ADGRL3: variants seen among roughly 807,000 people sequenced by gnomAD.
The protein encoded by ADGRL3 is calcium-independent alpha-latrotoxin receptor 3.
Under a neutral mutation model 153.5 loss-of-function variants are expected in ADGRL3, and 62 were observed. The ratio of observed to expected loss-of-function variants is 0.40; its 90% CI spans 0.33 to 0.50. ADGRL3 has a LOEUF of 0.50. ADGRL3 is among the 20% of genes least tolerant of loss of function. The pLI, the probability that ADGRL3 is intolerant of heterozygous loss-of-function variation, is 0.47. For synonymous variants in ADGRL3, 710 were observed against 672.5 expected (o/e 1.06, Z -0.86); for missense variants, 1,641 against 1,859.4 (o/e 0.88, Z 2.16).
At chr4:61,566,820 T>G (rs1444989200) in intron 4 of ADGRL3, among the ~76,000 whole-genome samples, 4 of 152,186 alleles carry the variant, frequency 2.6e-5, no homozygotes, top group African/African-American at 7.2e-5. Flanking sequence ...TCCTTTTGAC[T>G]GTTATTATTA....
In ADGRL3 at chr4:62,070,687, A is replaced by G; in HGVS notation, c.4411A>G (p.Ser1471Gly). ...GVAATESVTT[S>G]TQTEPPPAKC... ...GGCCGCCACAGAGAGTGTTACCACCAGCACCCAGACCGAACCCCCACCGGC... is the reference window on the plus strand; with the variant it reads ...GGCCGCCACAGAGAGTGTTACCACCGGCACCCAGACCGAACCCCCACCGGC... Residue 1471 changes from serine (S) to glycine (G), a missense_variant, in exon 27 of 27, where the codon AGC becomes GGC. By Grantham distance (56) the Ser-to-Gly change is moderately conservative. Around this residue, in one of 5 missense-constraint regions of ADGRL3, gnomAD observed 517 missense variants for 555.0 expected, o/e 0.93. Coordinates refer to ENST00000683033, the MANE Select transcript of ADGRL3 (RefSeq NM_001387552.1). 6.4e-7 allele frequency: 1 copy of G among 1,551,562 alleles called. No homozygotes were observed. Among genetic ancestry groups the G allele is most frequent in the Non-Finnish European group, 8.7e-7 (1 of 1,146,962 alleles).
At chr4:61,406,849 A>G (rs572798876) in intron 2 of ADGRL3, among the ~76,000 whole-genome samples, 4 of 152,120 alleles carry the variant, frequency 2.6e-5, no homozygotes, top group African/African-American at 9.6e-5. Context: ...TATCTCCTAT[A>G]ATGGCTAAAT....
chr4:62,049,229 C>A (rs1051698942), intron 25 of ADGRL3, among the ~76,000 whole-genome samples: 15 of 152,070 alleles, frequency 9.9e-5, no homozygotes, highest in African/African-American at 3.6e-4. Flanking sequence ...CCCACCCCAG[C>A]CCTGAAGTTA....
At chr4:61,527,214 G>T (rs1325572964) in intron 4 of ADGRL3, among the ~76,000 whole-genome samples, 2 of 151,814 alleles carry the variant, frequency 1.3e-5, no homozygotes, top group Non-Finnish European at 2.9e-5. Context: ...ACATCTGAAA[G>T]AAAAAATATA....
intron 4 of ADGRL3, among the ~76,000 whole-genome samples, chr4:61,525,770 G>C (rs1382920054): frequency 6.6e-6 from 1 of 152,078 alleles, no homozygotes; most frequent in Non-Finnish European, 1.5e-5. Context: ...AAGATGCTGA[G>C]GTGACTGGGT....
intron 2 of ADGRL3, among the ~76,000 whole-genome samples, chr4:61,383,548 A>G (rs1483018677): frequency 6.6e-6 from 1 of 151,804 alleles, no homozygotes; most frequent in East Asian, 1.9e-4. Flanking sequence ...TAACTAATGT[A>G]GAATAACCAT....
chr4:61,746,370 A>C (rs1392227400), intron 8 of ADGRL3, among the ~76,000 whole-genome samples: 2 of 152,162 alleles, frequency 1.3e-5, no homozygotes, highest in Non-Finnish European at 2.9e-5. Flanking sequence ...ATACCCATCT[A>C]CAGAACTCTC....
intron 13 of ADGRL3, among the ~76,000 whole-genome samples, chr4:61,932,589 G>A (rs2098821937): frequency 6.6e-6 from 1 of 151,990 alleles, no homozygotes; most frequent in Admixed American, 6.6e-5. Flanking sequence ...GCATTTTGTT[G>A]AGAATTTTTG....
At chr4:61,748,898 GA>G (rs2096712032) in intron 8 of ADGRL3, among the ~76,000 whole-genome samples, 1 of 151,106 alleles carries the variant, frequency 6.6e-6, no homozygotes, top group African/African-American at 2.4e-5. Flanking sequence ...CACAGCAAAA[GA>G]AACTACCATC....
At chr4:61,743,435 C>G (rs765456089) in intron 8 of ADGRL3, among the ~76,000 whole-genome samples, 13 of 151,318 alleles carry the variant, frequency 8.6e-5, no homozygotes, top group South Asian at 4.2e-4. Flanking sequence ...TGAAAATTAT[C>G]TCTAATGCTA....
intron 21 of ADGRL3, among the ~76,000 whole-genome samples, chr4:62,017,049 T>G (rs2099215343): frequency 6.6e-6 from 1 of 152,078 alleles, no homozygotes; most frequent in Admixed American, 6.6e-5. Context: ...ATCTGACAAA[T>G]GTATTGAACA....
intron 6 of ADGRL3, among the ~76,000 whole-genome samples, chr4:61,690,688 T>G (rs2095524489): frequency 1.3e-5 from 2 of 152,158 alleles, no homozygotes. Context: ...TATTTATTTC[T>G]ACAAGGCTTC....
intron 9 of ADGRL3, among the ~76,000 whole-genome samples, chr4:61,838,169 T>G (rs572719499): frequency 6.6e-6 from 1 of 152,170 alleles, no homozygotes; most frequent in Non-Finnish European, 1.5e-5. Context: ...TTAGTAGTAA[T>G]TATACTTGCT....
Position 61,539,702 on chromosome 4 carries a change from T to C in ADGRL3, c.259+22184T>C, listed in dbSNP as rs781626845. Among the ~76,000 whole-genome samples, 83 of 152,220 alleles carry C rather than the reference T, an allele frequency of 5.5e-4. 2 individuals carry two copies. The highest frequency in any genetic ancestry group is 2.6e-4 in the African/African-American group (11 of 41,540). ...ACTTGGTGCTCTGTCTCTGGGAAGT[T>C]CACAGATCACCACTGACAGTGTTGC... On this transcript the variant is annotated intron_variant, in intron 4 of 26. Transcript: ENST00000683033.
chr4:61,542,477 A>G (rs1448799579), intron 4 of ADGRL3, among the ~76,000 whole-genome samples: 1 of 152,238 alleles, frequency 6.6e-6, no homozygotes, highest in African/African-American at 2.4e-5. Context: ...ACAAAAATCT[A>G]CATATCAACC....
intron 1 of ADGRL3, among the ~76,000 whole-genome samples, chr4:61,298,178 A>T (rs962460220): frequency 2.6e-5 from 4 of 152,160 alleles, no homozygotes; most frequent in Non-Finnish European, 4.4e-5. Context: ...TGTTAAAGTA[A>T]TTATTAACCT....
At chr4:61,743,954 C>T (rs914822158) in intron 8 of ADGRL3, among the ~76,000 whole-genome samples, 2 of 152,180 alleles carry the variant, frequency 1.3e-5, no homozygotes, top group African/African-American at 4.8e-5. Context: ...CTTCCCTTTC[C>T]TAGTCAAAGA....
intron 5 of ADGRL3, among the ~76,000 whole-genome samples, chr4:61,608,749 A>T (rs1413884499): frequency 1.3e-5 from 2 of 152,182 alleles, no homozygotes; most frequent in Non-Finnish European, 2.9e-5. Context: ...ACTTTTATTT[A>T]TCTGTACTAT....
At chr4:61,819,571 T>C (rs1445212242) in intron 9 of ADGRL3, among the ~76,000 whole-genome samples, 1 of 152,122 alleles carries the variant, frequency 6.6e-6, no homozygotes, top group Non-Finnish European at 1.5e-5. Flanking sequence ...CCTTTTATAG[T>C]TTATGGACTT....
Sources: allele counts gnomAD v4.1 joint callset (sites outside exome capture counted in the v4.1 genomes callset), GRCh38; gene constraint gnomAD v4.1.1; regional missense constraint gnomAD v4.1.1; transcripts MANE v1.5; gene names NCBI Gene and HGNC (gene_info 2026-07-23, HGNC 2026-07-21).